ULK2: variants seen among roughly 807,000 people sequenced by gnomAD.
The protein encoded by ULK2 is serine/threonine-protein kinase ULK2.
In ULK2, 76 loss-of-function variants were observed where a neutral mutation model predicts 127.5. The ratio of observed to expected loss-of-function variants is 0.60; its 90% CI spans 0.50 to 0.72. The LOEUF (loss-of-function observed/expected upper bound fraction) is 0.72. ULK2 is among the 30% of genes least tolerant of loss of function. The pLI is 0.00. For missense variants in ULK2, 1,144 were observed against 1,295.9 expected, an observed-to-expected ratio of 0.88 and a Z score of 1.80; for synonymous variants, 452 against 461.9, an observed-to-expected ratio of 0.98 and a Z score of 0.28.
chr17:19,859,245 G>A (rs554307465), intron 3 of ULK2, among the ~76,000 whole-genome samples: 6 of 152,302 alleles, frequency 3.9e-5, no homozygotes, highest in Admixed American at 3.9e-4. Context: ...TGAGTGCGGT[G>A]GCTCAGGCCT....
chr17:19,829,580 G>A (rs1320769632), intron 10 of ULK2, among the ~76,000 whole-genome samples: 1 of 134,992 alleles, frequency 7.4e-6, no homozygotes, highest in African/African-American at 2.7e-5. Flanking sequence ...GCTCACGCCT[G>A]TAATCCCAGC....
At chr17:19,825,268 C>T (rs931273904) in intron 11 of ULK2, 86 bp from the exon 12 acceptor site, 3 of 1,146,606 alleles carry the variant, frequency 2.6e-6, no homozygotes, top group East Asian at 2.4e-5. Context: ...AAAACTACTA[C>T]ACCTTTGTGT....
At chr17:19,787,114 G>A (rs560502183) in intron 20 of ULK2, among the ~76,000 whole-genome samples, 136 of 151,692 alleles carry the variant, frequency 9.0e-4, no homozygotes, top group Non-Finnish European at 1.4e-3. Context: ...TCAGCCTCTC[G>A]AGTAGCTGGG....
In ULK2 at chr17:19,854,273, C is replaced by CA. The variant is rs769634028; in HGVS notation, c.226-4500dup. On this transcript the variant is annotated intron_variant, in intron 3 of 26. Coordinates refer to ENST00000395544, the MANE Select transcript of ULK2 (RefSeq NM_014683.4). The stretch of plus-strand genomic sequence containing the variant: ...AGCCTGGGCAACAGAGATTCCATCT[C>CA]AAAAAAAAAAAAAAAGCACACACAA... Among the ~76,000 whole-genome samples, 221 of 79,434 alleles carry CA rather than the reference C, an allele frequency of 2.8e-3. 1 individual carries two copies. The highest frequency in any genetic ancestry group is 7.6e-3 in the Admixed American group (52 of 6,822). 52.1% of individuals were successfully genotyped at this position (79,434 alleles called of 152,430 possible).
intron 14 of ULK2, among the ~76,000 whole-genome samples, chr17:19,806,839 G>C (rs558897222): frequency 2.9e-4 from 44 of 152,306 alleles, no homozygotes; most frequent in African/African-American, 9.6e-4. Context: ...ATACTTGAAA[G>C]ATAAGGCAGC....
intron 16 of ULK2, among the ~76,000 whole-genome samples, chr17:19,799,953 A>G (rs757049461): frequency 3.3e-5 from 5 of 152,224 alleles, no homozygotes; most frequent in Non-Finnish European, 5.9e-5. Context: ...TCTGGTGCCA[A>G]GGCTAGGCTT....
At chr17:19,806,813 C>A (rs979883996) in intron 14 of ULK2, among the ~76,000 whole-genome samples, 4 of 152,354 alleles carry the variant, frequency 2.6e-5, no homozygotes, top group African/African-American at 9.6e-5. Flanking sequence ...GGACCGTCAT[C>A]TTGGACCCAT....
At chr17:19,812,799 TTAAA>T (rs1214114702) in intron 13 of ULK2, among the ~76,000 whole-genome samples, 3 of 152,244 alleles carry the variant, frequency 2.0e-5, no homozygotes, top group Non-Finnish European at 4.4e-5. Flanking sequence ...GCTGCATACC[TTAAA>T]TATACATAAT....
Position 19,773,508 on chromosome 17 carries a change from GTCTTC to G in ULK2, c.*2836_*2840del, listed in dbSNP as rs2086765349. 6.6e-6 allele frequency: 1 copy of G among 152,162 alleles called. No homozygotes were observed. Among genetic ancestry groups the G allele is most frequent in the Non-Finnish European group, 1.5e-5 (1 of 68,042 alleles). The allele number at this position is 152,162 out of a possible 1,614,324, so 9.4% of individuals were successfully genotyped here. ...ACTACGGGCAATAAGTTACTTATCA[GTCTTC>G]ACTAGAGGTTGTTTCTCTCAACTAA... On this transcript the variant is annotated 3_prime_UTR_variant, in exon 27 of 27. Transcript: ENST00000395544.
intron 12 of ULK2, among the ~76,000 whole-genome samples, chr17:19,823,868 G>T (rs995089728): frequency 4.6e-5 from 7 of 152,182 alleles, no homozygotes; most frequent in Non-Finnish European, 2.9e-5. Context: ...AGAAAGGTTT[G>T]CTGCCAGTTT....
At chr17:19,818,781 ATTTCT>A (rs1271829971) in intron 12 of ULK2, among the ~76,000 whole-genome samples, 4 of 135,846 alleles carry the variant, frequency 2.9e-5, no homozygotes, top group Non-Finnish European at 4.7e-5. Flanking sequence ...TCTCTTCTTC[ATTTCT>A]TTTCTTTTTT....
chr17:19,779,361 G>A (rs1188295709), intron 25 of ULK2, among the ~76,000 whole-genome samples: 1 of 151,788 alleles, frequency 6.6e-6, no homozygotes, highest in Non-Finnish European at 1.5e-5. Flanking sequence ...GTAAAATCCT[G>A]TCTCTACTAA....
rs2041710917 is a variant in ULK2, at chr17:19,840,261, G to A, written c.704+1228C>T. On this transcript the variant is annotated intron_variant, in intron 9 of 26. Coordinates refer to ENST00000395544, the MANE Select transcript of ULK2 (RefSeq NM_014683.4). ...GGCCATAAGAGCCGGGCTGAAATGA[G>A]AGTACCTGCTTCAGTACAACAACCC... The A allele has an allele frequency of 7.7e-6, 4 of 520,874 alleles. No homozygotes were observed. The Admixed American group carries it at 8.2e-5, about 11-fold the overall frequency. The allele number at this position is 520,874 out of a possible 1,614,324, so 32.3% of individuals were successfully genotyped here.
chr17:19,843,168 T>C lies in ULK2; in HGVS notation c.598A>G (p.Ile200Val). 6.2e-7 allele frequency: 1 copy of C among 1,609,388 alleles called. No individual in the cohort carries two copies. The highest frequency in any genetic ancestry group is 8.5e-7 in the Non-Finnish European group (1 of 1,178,856). ...AGGCATTGGTATATCACTGTTCCTA[T>C]GCTCCACAAGTCAGCCTTAGCATCA... ...HYDAKADLWS[I>V]GTVIYQCLVG... The change falls in exon 8 of 27, where the codon ATA (isoleucine) becomes GTA (valine). Residue 200 changes from isoleucine to valine, a missense_variant. Physicochemically the swap from Ile to Val is conservative, Grantham distance 29. Coordinates refer to ENST00000395544, the MANE Select transcript of ULK2 (RefSeq NM_014683.4).
At chr17:19,821,430 G>C (rs552593939) in intron 12 of ULK2, among the ~76,000 whole-genome samples, 1 of 890 alleles carries the variant, frequency 1.1e-3, no homozygotes, top group Non-Finnish European at 5.9e-3. Context: ...TTTTGTTTTG[G>C]GGGGGGCCTA....
At chr17:19,841,372 C>T in intron 9 of ULK2, 117 bp downstream of exon 9, 1 of 1,014,218 alleles carries the variant, frequency 9.9e-7, no homozygotes. Context: ...GTAACAAATG[C>T]TTTCACATTA....
chr17:19,839,768 T>G (rs116478290), intron 9 of ULK2, among the ~76,000 whole-genome samples: 7 of 152,126 alleles, frequency 4.6e-5, no homozygotes, highest in African/African-American at 1.7e-4. Context: ...AATAGCTAAC[T>G]GGTCCTCATG....
intron 20 of ULK2, among the ~76,000 whole-genome samples, chr17:19,794,835 T>C (rs1222104171): frequency 6.6e-6 from 1 of 151,930 alleles, no homozygotes; most frequent in Non-Finnish European, 1.5e-5. Context: ...CCAGAACACT[T>C]TGGGAGGCTG....
intron 2 of ULK2, among the ~76,000 whole-genome samples, chr17:19,865,059 ACAATTCTT>A (rs2042324414): frequency 6.6e-6 from 1 of 151,314 alleles, no homozygotes; most frequent in Non-Finnish European, 1.5e-5. Context: ...TCAAAGAGCT[ACAATTCTT>A]AAAAAAGAGC....
Sources: allele counts gnomAD v4.1 joint callset (sites outside exome capture counted in the v4.1 genomes callset), GRCh38; gene constraint gnomAD v4.1.1; transcripts MANE v1.5; gene names NCBI Gene and HGNC (gene_info 2026-07-23, HGNC 2026-07-21).